RALYL: variants seen among roughly 807,000 people sequenced by gnomAD.
RALYL encodes RALY RNA binding protein like, also known as RNA-binding Raly-like protein.
RALYL carries 29 observed loss-of-function variants against 35.1 expected under a neutral mutation model. The observed-to-expected ratio is 0.83, with a 90% CI of 0.61 to 1.13. RALYL has a LOEUF of 1.13. Among genes scored for constraint, RALYL ranks in the 50% most tolerant of loss-of-function variants. The pLI, the probability that RALYL is intolerant of heterozygous loss-of-function variation, is 0.00. For synonymous variants in RALYL, 120 were observed against 127.6 expected (o/e 0.94, Z 0.40); for missense variants, 359 against 360.4 (o/e 1.00, Z 0.03).
At chr8:84,631,308 ATCAT>A (rs886305761) in intron 2 of RALYL, among the ~76,000 whole-genome samples, 5 of 151,976 alleles carry the variant, frequency 3.3e-5, no homozygotes, top group African/African-American at 1.2e-4. Context: ...CCGCCCAAAA[ATCAT>A]TCAGTTTATT....
intron 5 of RALYL, among the ~76,000 whole-genome samples, chr8:84,861,118 ATTG>A (rs891358580): frequency 4.0e-5 from 6 of 151,820 alleles, no homozygotes; most frequent in African/African-American, 1.5e-4. Context: ...TTCATATTAG[ATTG>A]TTTTTATTGA....
intron 8 of RALYL, among the ~76,000 whole-genome samples, chr8:84,895,924 T>C (rs1360913427): frequency 2.0e-5 from 3 of 152,226 alleles, no homozygotes; most frequent in Non-Finnish European, 4.4e-5. Flanking sequence ...ATATTAATAA[T>C]AAAAGTCTAC....
chr8:84,803,543 A>G (rs1823863370), intron 3 of RALYL, among the ~76,000 whole-genome samples: 1 of 152,228 alleles, frequency 6.6e-6, no homozygotes, highest in South Asian at 2.1e-4. Flanking sequence ...GAAAGGTTAC[A>G]TAAATAAACC....
At chr8:84,498,225 A>G (rs1230328602) in intron 1 of RALYL, among the ~76,000 whole-genome samples, 1 of 152,028 alleles carries the variant, frequency 6.6e-6, no homozygotes, top group Non-Finnish European at 1.5e-5. Flanking sequence ...GAAATTTATA[A>G]AAGAGTTTTG....
At chr8:84,769,307 C>G (rs563964084) in intron 2 of RALYL, among the ~76,000 whole-genome samples, 1 of 152,212 alleles carries the variant, frequency 6.6e-6, no homozygotes, top group East Asian at 1.9e-4. Flanking sequence ...TGGGTCTTTC[C>G]TCTACTCAGA....
intron 2 of RALYL, among the ~76,000 whole-genome samples, chr8:84,720,507 T>C (rs1246774945): frequency 1.3e-5 from 2 of 152,054 alleles, no homozygotes; most frequent in Non-Finnish European, 2.9e-5. Context: ...TAACTCAAAA[T>C]GTATTAAAGA....
chr8:84,661,332 C>T (rs901327157), intron 2 of RALYL, among the ~76,000 whole-genome samples: 5 of 152,142 alleles, frequency 3.3e-5, no homozygotes, highest in Non-Finnish European at 7.4e-5. Context: ...ACCCACTCCT[C>T]TGATAAATCA....
At chr8:84,191,411 A>C (rs1217723045) in intron 1 of RALYL, among the ~76,000 whole-genome samples, 2 of 152,208 alleles carry the variant, frequency 1.3e-5, no homozygotes, top group Non-Finnish European at 2.9e-5. Flanking sequence ...TCTACTGAAA[A>C]ATCTTCAAAG....
intron 6 of RALYL, among the ~76,000 whole-genome samples, chr8:84,866,901 G>A (rs147147545): frequency 1.4e-4 from 21 of 152,262 alleles, no homozygotes; most frequent in Admixed American, 8.5e-4. Context: ...TCTCAGCAAA[G>A]TGCTACCTGC....
chr8:84,823,647 C>T (rs193120673), intron 4 of RALYL, among the ~76,000 whole-genome samples: 3 of 152,164 alleles, frequency 2.0e-5, no homozygotes, highest in Admixed American at 2.0e-4. Flanking sequence ...CTGCCTTCTT[C>T]TCTTACTTTC....
At chr8:84,499,966 T>C (rs1274181020) in intron 1 of RALYL, among the ~76,000 whole-genome samples, 2 of 152,070 alleles carry the variant, frequency 1.3e-5, no homozygotes, top group Non-Finnish European at 2.9e-5. Flanking sequence ...ATGTTGTCTA[T>C]GGCTAGTCTT....
chr8:84,631,680 A>G (rs1234316016), intron 2 of RALYL, among the ~76,000 whole-genome samples: 8 of 151,942 alleles, frequency 5.3e-5, no homozygotes, highest in African/African-American at 1.9e-4. Flanking sequence ...GACTGAAAGT[A>G]CTGGAAAGAA....
chr8:84,484,043 A>C (rs576292392), intron 1 of RALYL, among the ~76,000 whole-genome samples: 1 of 152,144 alleles, frequency 6.6e-6, no homozygotes, highest in African/African-American at 2.4e-5. Flanking sequence ...TCTTTTTTGA[A>C]ACACTTTCAT....
chr8:84,488,341 A>G (rs146887246), intron 1 of RALYL, among the ~76,000 whole-genome samples: 4,581 of 152,174 alleles, frequency 0.03, 117 homozygotes, highest in Non-Finnish European at 0.038. Flanking sequence ...AGGTCTCAAC[A>G]TCCAGAATTG....
intron 2 of RALYL, among the ~76,000 whole-genome samples, chr8:84,721,356 T>C (rs937267648): frequency 6.6e-6 from 1 of 152,158 alleles, no homozygotes; most frequent in African/African-American, 2.4e-5. Context: ...GCAGCACTGT[T>C]CACAATGGCC....
chr8:84,583,933 A>T (rs1428241330), intron 2 of RALYL, among the ~76,000 whole-genome samples: 1 of 151,850 alleles, frequency 6.6e-6, no homozygotes, highest in Non-Finnish European at 1.5e-5. Context: ...CACATATTTG[A>T]TGATAGTGGA....
At chr8:84,450,998 C>A (rs2049408938) in intron 1 of RALYL, among the ~76,000 whole-genome samples, 1 of 151,986 alleles carries the variant, frequency 6.6e-6, no homozygotes, top group African/African-American at 2.4e-5. Context: ...AGCTTTTCTG[C>A]ATTCCCAACC....
intron 8 of RALYL, among the ~76,000 whole-genome samples, chr8:84,915,320 C>G (rs1402788473): frequency 6.6e-6 from 1 of 151,962 alleles, no homozygotes; most frequent in African/African-American, 2.4e-5. Flanking sequence ...AACCAACCCA[C>G]CTCCCACTGG....
At chr8:84,200,413 A>G (rs1816571306) in intron 1 of RALYL, among the ~76,000 whole-genome samples, 2 of 152,172 alleles carry the variant, frequency 1.3e-5, no homozygotes, top group African/African-American at 4.8e-5. Context: ...TAATTTTAAG[A>G]TAGAAGTTAC....
Sources: gnomAD v4.1 joint callset for allele counts (sites outside exome capture counted in the v4.1 genomes callset) on GRCh38, gnomAD v4.1.1 for gene constraint, MANE v1.5 for transcripts, NCBI Gene and HGNC (gene_info 2026-07-23, HGNC 2026-07-21) for gene names.